Variants in HELZ observed in about 807,000 individuals in gnomAD.
HELZ encodes the protein helicase with zinc finger.
Under a neutral mutation model 218.2 loss-of-function variants are expected in HELZ, and 23 were observed. The ratio of observed to expected loss-of-function variants is 0.11; its 90% CI spans 0.08 to 0.15. The LOEUF is 0.15. HELZ is among the 10% of genes least tolerant of loss of function. HELZ has a pLI of 1.00. For synonymous variants in HELZ, 814 were observed against 829.4 expected, an observed-to-expected ratio of 0.98 and a Z score of 0.32; for missense variants, 1,813 against 2,353.7, an observed-to-expected ratio of 0.77 and a Z score of 4.75.
In HELZ at chr17:67,124,012, C is replaced by T. The variant is rs2037705082; in HGVS notation, c.3390G>A (p.Gly1130=). 6.3e-7 allele frequency: 1 copy of T among 1,593,702 alleles called. No homozygotes were observed. Among genetic ancestry groups the T allele is most frequent in the East Asian group, 2.2e-5 (1 of 44,606 alleles). ...CATTCTGGGTATGATGAAGACTTTT[C>T]CCCTTTAAAGAAAAACACAAATGTA... is the stretch of plus-strand genomic sequence containing the variant. ...TNKQQQSPPK[G]KSLHHTQNDH... is the part of the protein sequence containing the mutation. The change falls in exon 25 of 33, where the codon GGG becomes GGA. Residue 1130 remains glycine, a splice_region_variant and synonymous_variant. Transcript: ENST00000358691.
At chr17:67,095,320 G>A (rs2036709743) in intron 31 of HELZ, among the ~76,000 whole-genome samples, 1 of 152,098 alleles carries the variant, frequency 6.6e-6, no homozygotes, top group Admixed American at 6.5e-5. Context: ...ATCACTTGAG[G>A]CCAGGAGTTC....
At chr17:67,214,486 G>A (rs1057468600) in intron 5 of HELZ, among the ~76,000 whole-genome samples, 25 of 151,020 alleles carry the variant, frequency 1.7e-4, no homozygotes, top group Admixed American at 4.0e-4. Context: ...GGCTGGTTTC[G>A]AACTCCTGAC....
intron 31 of HELZ, among the ~76,000 whole-genome samples, chr17:67,094,332 A>AG (rs2036668228): frequency 1.3e-5 from 2 of 150,052 alleles, no homozygotes; most frequent in African/African-American, 5.0e-5. Context: ...GAAAAAAAAA[A>AG]AAGAGAGAGA....
At chr17:67,141,776 G>C (rs188762366) in intron 21 of HELZ, among the ~76,000 whole-genome samples, 2 of 152,288 alleles carry the variant, frequency 1.3e-5, no homozygotes, top group Non-Finnish European at 2.9e-5. Flanking sequence ...TGGGCATGGT[G>C]GTTCACACCT....
intron 2 of HELZ, among the ~76,000 whole-genome samples, chr17:67,241,068 G>A (rs943274628): frequency 6.6e-6 from 1 of 152,140 alleles, no homozygotes; most frequent in Non-Finnish European, 1.5e-5. Flanking sequence ...CAATGCTACA[G>A]AAGTAACCCT....
chr17:67,215,758 T>C (rs771186715), intron 5 of HELZ, 141 bp downstream of exon 5: 5 of 681,252 alleles, frequency 7.3e-6, no homozygotes, highest in African/African-American at 3.7e-5. Context: ...AGTGGGAATG[T>C]CATCATCCAA....
chr17:67,197,454 C>G (rs78522403), intron 7 of HELZ, among the ~76,000 whole-genome samples: 1 of 151,868 alleles, frequency 6.6e-6, no homozygotes, highest in Admixed American at 6.5e-5. Flanking sequence ...TTCTGCCCCC[C>G]TGATTTCCCT....
intron 32 of HELZ, among the ~76,000 whole-genome samples, chr17:67,082,627 T>C (rs889569257): frequency 2.0e-5 from 3 of 152,180 alleles, no homozygotes; most frequent in Non-Finnish European, 4.4e-5. Context: ...AGTATATTTA[T>C]CACTTTTCCC....
At chr17:67,178,572 T>G (rs2039521568) in intron 13 of HELZ, 87 bp downstream of exon 13, 18 of 1,111,566 alleles carry the variant, frequency 1.6e-5, no homozygotes, top group Non-Finnish European at 2.1e-5. Flanking sequence ...CTACCTGTCT[T>G]CACTTAGGCA....
chr17:67,144,595 C>A (rs1166968953), intron 21 of HELZ, among the ~76,000 whole-genome samples: 6 of 151,518 alleles, frequency 4.0e-5, no homozygotes, highest in Non-Finnish European at 7.4e-5. Flanking sequence ...CGTGAATGAA[C>A]AAGTAACCCA....
At chr17:67,225,709 G>A (rs1024295405) in intron 3 of HELZ, among the ~76,000 whole-genome samples, 3 of 152,130 alleles carry the variant, frequency 2.0e-5, no homozygotes, top group African/African-American at 7.2e-5. Context: ...GGTAACATTT[G>A]CATCCTTCCA....
intron 7 of HELZ, among the ~76,000 whole-genome samples, chr17:67,199,448 G>C (rs1389318238): frequency 2.0e-5 from 3 of 152,084 alleles, no homozygotes; most frequent in African/African-American, 7.2e-5. Context: ...CCCGACCTCA[G>C]GTGATCTGCC....
chr17:67,205,998 A>G (rs2040287312), intron 5 of HELZ, among the ~76,000 whole-genome samples: 1 of 152,372 alleles, frequency 6.6e-6, no homozygotes, highest in Non-Finnish European at 1.5e-5. Context: ...ACTGTATCGT[A>G]TAACAAAATT....
chr17:67,236,013 GC>G (rs1464493280), intron 3 of HELZ, among the ~76,000 whole-genome samples: 1 of 151,886 alleles, frequency 6.6e-6, no homozygotes, highest in Non-Finnish European at 1.5e-5. Flanking sequence ...GCCCGCCTTG[GC>G]CTCCCAAAGT....
chr17:67,190,731 G>C (rs1189097844), intron 9 of HELZ, among the ~76,000 whole-genome samples: 1 of 152,148 alleles, frequency 6.6e-6, no homozygotes, highest in Non-Finnish European at 1.5e-5. Context: ...TTGTTTTTGA[G>C]ACGGAGTCTC....
At chr17:67,082,288 C>G (rs998442691) in intron 32 of HELZ, among the ~76,000 whole-genome samples, 3 of 152,120 alleles carry the variant, frequency 2.0e-5, no homozygotes, top group African/African-American at 4.8e-5. Flanking sequence ...TCCTTGAGTT[C>G]AAAATAAGTA....
chr17:67,144,023 TAGTC>T (rs1285466518), intron 21 of HELZ, among the ~76,000 whole-genome samples: 1 of 152,186 alleles, frequency 6.6e-6, no homozygotes, highest in African/African-American at 2.4e-5. Context: ...TCCTAAGTAT[TAGTC>T]AGAATCTTTA....
rs536754245 is a variant in HELZ, at chr17:67,244,281, T to TAA, written c.-131-444_-131-443dup. 2.6e-3 allele frequency among the ~76,000 whole-genome samples: 398 copies of TAA among 152,088 alleles called. 2 individuals carry two copies. Among genetic ancestry groups the TAA allele is most frequent in the African/African-American group, 9.3e-3 (385 of 41,490 alleles). On this transcript the variant is annotated intron_variant, in intron 1 of 32. Coordinates refer to ENST00000358691, the MANE Select transcript of HELZ (RefSeq NM_014877.4). Reference sequence around the variant, plus strand: ...TATTAATGATTTGCCTGAGAAGTGTTAAGTTGTGAGGGAGAAGGAATGACA... The same window carrying TAA: ...TATTAATGATTTGCCTGAGAAGTGTTAAAAGTTGTGAGGGAGAAGGAATGACA...
At chr17:67,112,189 G>T (rs2037300530) in intron 28 of HELZ, among the ~76,000 whole-genome samples, 1 of 152,124 alleles carries the variant, frequency 6.6e-6, no homozygotes, top group Non-Finnish European at 1.5e-5. Flanking sequence ...AAAGAACCAG[G>T]ACTAGTTCTT....
Sources: allele counts gnomAD v4.1 joint callset (sites outside exome capture counted in the v4.1 genomes callset), GRCh38; gene constraint gnomAD v4.1.1; transcripts MANE v1.5; gene names NCBI Gene and HGNC (gene_info 2026-07-23, HGNC 2026-07-21).